PARD6G: variants seen among roughly 807,000 people sequenced by gnomAD.
The protein encoded by PARD6G is partitioning defective 6 homolog gamma.
Under a neutral mutation model 10.7 loss-of-function variants are expected in PARD6G, and 7 were observed. The observed-to-expected ratio is 0.66, with a 90% CI of 0.37 to 1.23. The LOEUF is 1.23. Ranked by LOEUF, PARD6G falls within the 50% of genes most tolerant of loss-of-function variation. PARD6G has a pLI of 0.02. For synonymous variants in PARD6G, 287 were observed against 269.4 expected (o/e 1.07, Z -0.64); for missense variants, 548 against 571.8 (o/e 0.96, Z 0.42).
In PARD6G at chr18:80,159,438, T is replaced by G. The variant is rs2052678987; in HGVS notation, c.*333A>C. 1 of 234,854 alleles carries G rather than the reference T, an allele frequency of 4.3e-6. No individual in the cohort carries two copies. The highest frequency in any genetic ancestry group is 5.7e-5 in the Admixed American group (1 of 17,658). The allele number at this position is 234,854 out of a possible 1,614,324, so 14.5% of individuals were successfully genotyped here. On this transcript the variant is annotated 3_prime_UTR_variant, in exon 3 of 3. Transcript: ENST00000353265. ...GAATTTGACTATTTTAAAAAAGTAA[T>G]TTTAAAGCTTCACTTTAAAAACAAA...
intron 2 of PARD6G, among the ~76,000 whole-genome samples, chr18:80,179,942 G>A (rs2052839418): frequency 6.6e-6 from 1 of 152,254 alleles, no homozygotes; most frequent in Non-Finnish European, 1.5e-5. Context: ...GTGCTGCCTG[G>A]CCCATCTCAG....
chr18:80,204,329 C>T (rs1967035991), intron 1 of PARD6G, among the ~76,000 whole-genome samples: 3 of 152,080 alleles, frequency 2.0e-5, no homozygotes, highest in Admixed American at 2.0e-4. Flanking sequence ...CCTGGAGGCC[C>T]CCCAGAGTTC....
At chr18:80,242,408 C>T (rs1286082567) in intron 1 of PARD6G, among the ~76,000 whole-genome samples, 1 of 152,238 alleles carries the variant, frequency 6.6e-6, no homozygotes, top group African/African-American at 2.4e-5. Flanking sequence ...GCACATCACA[C>T]AGCTGGAAGG....
At chr18:80,219,928 T>C (rs1255456150) in intron 1 of PARD6G, among the ~76,000 whole-genome samples, 2 of 152,200 alleles carry the variant, frequency 1.3e-5, no homozygotes, top group African/African-American at 4.8e-5. Flanking sequence ...CTCTGCCTGT[T>C]ACCCAGTTCC....
chr18:80,201,015 T>C lies in PARD6G; in HGVS notation c.295+1695A>G, dbSNP rs1014166375. Among the ~76,000 whole-genome samples the C allele has an allele frequency of 2.0e-5, 3 of 152,100 alleles. No individual in the cohort carries two copies. The highest frequency in any genetic ancestry group is 2.9e-5 in the Non-Finnish European group (2 of 68,024). On this transcript the variant is annotated intron_variant, in intron 2 of 2. Coordinates refer to ENST00000353265, the MANE Select transcript of PARD6G (RefSeq NM_032510.4). This position sits in a 1 kb window ranked among gnomAD's most constrained non-coding sequence, Gnocchi z 5.9. ...CAGTTTACACACCTTCTTCACACCATTGCTCACCCCACACCATGTGAGCAA... is the reference window on the plus strand; with the variant it reads ...CAGTTTACACACCTTCTTCACACCACTGCTCACCCCACACCATGTGAGCAA...
chr18:80,179,424 G>T (rs1459531628), intron 2 of PARD6G, among the ~76,000 whole-genome samples: 1 of 152,146 alleles, frequency 6.6e-6, no homozygotes, highest in Non-Finnish European at 1.5e-5. Flanking sequence ...TCCCTTGCCA[G>T]GGTGTGTCCT....
At chr18:80,243,297 A>C (rs1967509006) in intron 1 of PARD6G, among the ~76,000 whole-genome samples, 1 of 152,174 alleles carries the variant, frequency 6.6e-6, no homozygotes, top group Non-Finnish European at 1.5e-5. Flanking sequence ...TGACATGAAA[A>C]AACACTCGCA....
At position 80,160,354 on chromosome 18, in the gene PARD6G, G is replaced by A; in HGVS notation, c.548C>T (p.Thr183Ile). ...GGGCACCTTCTCCAGCCCGTGCGGG[G>A]TCACGCGCACGCTGGCGCCATCGCG... ...YIRDGASVRV[T>I]PHGLEKVPGI... The change falls in exon 3 of 3, where the codon ACC (threonine) becomes ATC (isoleucine). Residue 183 changes from threonine (T) to isoleucine (I), a missense_variant. Around this residue, in one of 2 missense-constraint regions of PARD6G, gnomAD observed 235 missense variants for 291.9 expected, o/e 0.81. Transcript: ENST00000353265. The A allele has an allele frequency of 1.2e-6, 2 of 1,611,398 alleles. No individual in the cohort carries two copies. The highest frequency in any genetic ancestry group is 1.7e-6 in the Non-Finnish European group (2 of 1,179,712).
intron 2 of PARD6G, 151 bp downstream of exon 2, chr18:80,202,559 A>T: frequency 1.6e-6 from 1 of 616,880 alleles, no homozygotes; most frequent in Non-Finnish European, 2.8e-6. Context: ...TTTGTCTATT[A>T]ATGCTGATGA....
At chr18:80,245,596 A>C (rs1967535429) in intron 1 of PARD6G, among the ~76,000 whole-genome samples, 2 of 152,190 alleles carry the variant, frequency 1.3e-5, no homozygotes, top group African/African-American at 4.8e-5. Context: ...GAGGCTGAGA[A>C]CACAGACCTC....
chr18:80,224,664 G>A (rs969390342), intron 1 of PARD6G, among the ~76,000 whole-genome samples: 6 of 152,124 alleles, frequency 3.9e-5, no homozygotes, highest in African/African-American at 7.2e-5. Context: ...TGGCTAACAC[G>A]GTGAAACCCC....
At chr18:80,224,474 G>C (rs2145296526) in intron 1 of PARD6G, among the ~76,000 whole-genome samples, 1 of 152,282 alleles carries the variant, frequency 6.6e-6, no homozygotes, top group Middle Eastern at 3.4e-3. Context: ...GGCACAAACA[G>C]GGCTCATGTT....
At chr18:80,165,517 G>A (rs1262191457) in intron 2 of PARD6G, among the ~76,000 whole-genome samples, 2 of 151,864 alleles carry the variant, frequency 1.3e-5, no homozygotes, top group South Asian at 2.1e-4. Flanking sequence ...GTGGTCCTGA[G>A]GTGACGTATA....
chr18:80,202,814 T>G lies in PARD6G; in HGVS notation c.191A>C (p.Tyr64Ser). The change falls in exon 2 of 3, where the codon TAT becomes TCT. Residue 64 changes from tyrosine (Y) to serine (S), a missense_variant. This residue lies in a region of PARD6G where 235 missense variants were observed against 291.9 expected (regional missense o/e 0.81). Coordinates refer to ENST00000353265, the MANE Select transcript of PARD6G (RefSeq NM_032510.4). ...CAGCAGGTCTCCGTGCACATCTGCA[T>G]AGCCAATAGTTACATCACTGTTGGA... Reference protein sequence around the residue: ...HISNSDVTIGYADVHGDLLPI... With the variant: ...HISNSDVTIGSADVHGDLLPI... 1 of 1,613,908 alleles carries G rather than the reference T, an allele frequency of 6.2e-7. No homozygotes were observed. Among genetic ancestry groups the G allele is most frequent in the Non-Finnish European group, 8.5e-7 (1 of 1,179,966 alleles).
At chr18:80,220,812 T>G (rs1335177417) in intron 1 of PARD6G, among the ~76,000 whole-genome samples, 1 of 152,098 alleles carries the variant, frequency 6.6e-6, no homozygotes, top group African/African-American at 2.4e-5. Flanking sequence ...AGTTTCACCA[T>G]GTTGTCCAGG....
chr18:80,221,797 A>G (rs1391934670), intron 1 of PARD6G, among the ~76,000 whole-genome samples: 1 of 152,236 alleles, frequency 6.6e-6, no homozygotes, highest in African/African-American at 2.4e-5. Flanking sequence ...GAAAATCCTA[A>G]GGAATCCATA....
intron 1 of PARD6G, 176 bp from the exon 2 acceptor site, chr18:80,203,108 G>A (rs1003575913): frequency 2.3e-5 from 13 of 553,392 alleles, no homozygotes; most frequent in Non-Finnish European, 3.6e-5. Context: ...TATGAATAGT[G>A]CTGGAATGAA....
At chr18:80,167,953 G>T (rs1331696438) in intron 2 of PARD6G, among the ~76,000 whole-genome samples, 1 of 152,134 alleles carries the variant, frequency 6.6e-6, no homozygotes, top group Non-Finnish European at 1.5e-5. Flanking sequence ...AGATGAACAC[G>T]TTCATAGGCA....
At chr18:80,216,523 G>A (rs1367919433) in intron 1 of PARD6G, among the ~76,000 whole-genome samples, 6 of 151,996 alleles carry the variant, frequency 3.9e-5, no homozygotes, top group African/African-American at 1.4e-4. Flanking sequence ...ATAACCTATG[G>A]AATTAAAAAG....
Sources: allele counts gnomAD v4.1 joint callset (sites outside exome capture counted in the v4.1 genomes callset), GRCh38; gene constraint gnomAD v4.1.1; regional missense constraint gnomAD v4.1.1; non-coding constraint Gnocchi (gnomAD v3.1); transcripts MANE v1.5; gene names NCBI Gene and HGNC (gene_info 2026-07-23, HGNC 2026-07-21).